Variants in CIB4 observed in about 807,000 individuals in gnomAD.
The protein encoded by CIB4 is calcium and integrin-binding family member 4.
A neutral mutation model predicts 25.8 loss-of-function variants in CIB4; 25 were observed. The ratio of observed to expected loss-of-function variants is 0.97; its 90% CI spans 0.71 to 1.35. The LOEUF is 1.35. Ranked by LOEUF, CIB4 falls within the 40% of genes most tolerant of loss-of-function variation. The pLI is 0.00. For missense variants in CIB4, 235 were observed against 228.2 expected, an observed-to-expected ratio of 1.03 and a Z score of -0.19; for synonymous variants, 75 against 81.4, an observed-to-expected ratio of 0.92 and a Z score of 0.42.
chr2:26,625,413 C>T (rs1031560763), intron 3 of CIB4, among the ~76,000 whole-genome samples: 22 of 144,810 alleles, frequency 1.5e-4, no homozygotes, highest in Admixed American at 8.7e-4. Context: ...AGTGCAATGG[C>T]GCAATCTCAG....
chr2:26,581,673 C>T (rs142292225), intron 6 of CIB4, among the ~76,000 whole-genome samples: 1 of 152,336 alleles, frequency 6.6e-6, no homozygotes, highest in East Asian at 1.9e-4. Context: ...TCTGAGCAGT[C>T]GGGGTGCCAG....
chr2:26,608,284 TGA>T (rs1668931824), intron 3 of CIB4, among the ~76,000 whole-genome samples: 2 of 138,528 alleles, frequency 1.4e-5, no homozygotes, highest in African/African-American at 2.8e-5. Context: ...GAGAAGGGGG[TGA>T]GAAGGGGGCT....
intron 3 of CIB4, among the ~76,000 whole-genome samples, chr2:26,608,820 G>A (rs1572555885): frequency 1.3e-5 from 2 of 152,194 alleles, no homozygotes; most frequent in South Asian, 4.2e-4. Context: ...GGGTGGCCGG[G>A]CCCTGCAGAG....
intron 2 of CIB4, among the ~76,000 whole-genome samples, chr2:26,639,298 C>G (rs984441969): frequency 1.3e-5 from 2 of 151,726 alleles, no homozygotes; most frequent in Admixed American, 6.6e-5. Context: ...CTGCACCCAT[C>G]AACCTGTCAT....
intron 3 of CIB4, among the ~76,000 whole-genome samples, chr2:26,599,272 A>G (rs1148968): frequency 0.96 from 146,537 of 152,298 alleles, 70,751 homozygotes; most frequent in East Asian, 1. Flanking sequence ...CTCCATTTAT[A>G]CGTGATGAAA....
chr2:26,589,109 T>C (rs1668531596), intron 4 of CIB4, among the ~76,000 whole-genome samples: 2 of 75,228 alleles, frequency 2.7e-5, no homozygotes, highest in African/African-American at 8.1e-5. Context: ...TTCTTCTTCC[T>C]CTTCTTCTTC....
chr2:26,589,293 C>A (rs142949618), intron 4 of CIB4, among the ~76,000 whole-genome samples: 1 of 149,694 alleles, frequency 6.7e-6, no homozygotes, highest in South Asian at 2.1e-4. Flanking sequence ...CCTCCTCCTC[C>A]TCCTCTCCTT....
chr2:26,598,121 G>A (rs547390395), intron 3 of CIB4, among the ~76,000 whole-genome samples: 14 of 151,992 alleles, frequency 9.2e-5, no homozygotes, highest in Admixed American at 1.3e-4. Flanking sequence ...CCAACATGAC[G>A]AAACCCCATC....
intron 3 of CIB4, among the ~76,000 whole-genome samples, chr2:26,619,443 G>A (rs964265201): frequency 1.3e-5 from 2 of 152,154 alleles, no homozygotes; most frequent in Non-Finnish European, 2.9e-5. Context: ...CGAGGGCAAC[G>A]ATGAGGAGGG....
At chr2:26,640,872 GATCT>G (rs1669621610) in intron 1 of CIB4, among the ~76,000 whole-genome samples, 1 of 152,176 alleles carries the variant, frequency 6.6e-6, no homozygotes, top group Admixed American at 6.5e-5. Flanking sequence ...TAACCTTAGA[GATCT>G]CATCTGGGCC....
chr2:26,595,326 G>T lies in CIB4; in HGVS notation c.187-9C>A. On this transcript the variant is annotated splice_polypyrimidine_tract_variant and intron_variant, in intron 3 of 6. Coordinates refer to ENST00000288861, the MANE Select transcript of CIB4 (RefSeq NM_001029881.3). ...TCTCTGAAAGGGTTGACCTGTGGGC[G>T]ACAGGAGGAGCAGGGAGGAGGTCTA... is the stretch of plus-strand genomic sequence containing the variant. 6.2e-7 allele frequency: 1 copy of T among 1,609,692 alleles called. No homozygotes were observed. Among genetic ancestry groups the T allele is most frequent in the Non-Finnish European group, 8.5e-7 (1 of 1,176,546 alleles).
chr2:26,606,878 G>A (rs1309877007), intron 3 of CIB4, among the ~76,000 whole-genome samples: 1 of 152,204 alleles, frequency 6.6e-6, no homozygotes, highest in Non-Finnish European at 1.5e-5. Context: ...GTCAGGCTAA[G>A]GATGTGTCCT....
chr2:26,632,584 C>T (rs892474780), intron 2 of CIB4, among the ~76,000 whole-genome samples: 1 of 151,938 alleles, frequency 6.6e-6, no homozygotes, highest in African/African-American at 2.4e-5. Context: ...TGGTGAAACA[C>T]CAACTCTACC....
At chr2:26,598,978 G>T (rs1226941948) in intron 3 of CIB4, among the ~76,000 whole-genome samples, 1 of 152,198 alleles carries the variant, frequency 6.6e-6, no homozygotes, top group Non-Finnish European at 1.5e-5. Context: ...CCTCATTAGA[G>T]ATCACAGGTC....
Position 26,582,925 on chromosome 2 carries a change from G to C in CIB4, c.439-12C>G. The stretch of plus-strand genomic sequence containing the variant: ...GACTCACTCAGGACCTGGCGAGGGA[G>C]CACAGAAGACAGTTGAGTGGAACCC... On this transcript the variant is annotated splice_polypyrimidine_tract_variant and intron_variant, in intron 5 of 6. Coordinates refer to ENST00000288861, the MANE Select transcript of CIB4 (RefSeq NM_001029881.3). The C allele has an allele frequency of 6.3e-7, 1 of 1,599,838 alleles. No individual in the cohort carries two copies. Among genetic ancestry groups the C allele is most frequent in the Non-Finnish European group, 8.6e-7 (1 of 1,167,394 alleles).
chr2:26,626,427 T>C (rs1223859889), intron 3 of CIB4, among the ~76,000 whole-genome samples: 5 of 147,138 alleles, frequency 3.4e-5, no homozygotes, highest in African/African-American at 1.3e-4. Context: ...ATCAATGGGA[T>C]CCAAATCAAC....
chr2:26,588,437 G>A (rs1668496860), intron 4 of CIB4, among the ~76,000 whole-genome samples: 1 of 152,230 alleles, frequency 6.6e-6, no homozygotes, highest in South Asian at 2.1e-4. Flanking sequence ...GACCACTTGG[G>A]AGGGGCTAGA....
At chr2:26,631,345 C>G (rs78506384) in intron 2 of CIB4, among the ~76,000 whole-genome samples, 1 of 152,040 alleles carries the variant, frequency 6.6e-6, no homozygotes, top group Admixed American at 6.5e-5. Flanking sequence ...CATACTGGCA[C>G]GCACCTATAG....
rs184932491 is a variant in CIB4, at chr2:26,596,463, G to A, written c.187-1146C>T. 1.3e-3 allele frequency among the ~76,000 whole-genome samples: 191 copies of A among 152,260 alleles called. 1 individual carries two copies. The highest frequency in any genetic ancestry group is 4.4e-3 in the African/African-American group (184 of 41,542). On this transcript the variant is annotated intron_variant, in intron 3 of 6. Transcript: ENST00000288861. ...AAGAGTTAAAATATAGTAAAACTTG[G>A]CCAGGCACGGTGGCTCAAGCTTGTA...
Sources: allele counts gnomAD v4.1 joint callset (sites outside exome capture counted in the v4.1 genomes callset), GRCh38; gene constraint gnomAD v4.1.1; transcripts MANE v1.5; gene names NCBI Gene and HGNC (gene_info 2026-07-23, HGNC 2026-07-21).